Variants in STT3B observed in about 807,000 individuals in gnomAD.
STT3B encodes the protein STT3 oligosaccharyltransferase complex catalytic subunit B.
STT3B carries 29 observed loss-of-function variants against 96.8 expected under a neutral mutation model. That is an observed-to-expected ratio of 0.30 (90% CI 0.22 to 0.41). The LOEUF (loss-of-function observed/expected upper bound fraction) is 0.41, where lower values mean the gene tolerates loss of function less well. STT3B is among the 10% of genes least tolerant of loss of function. STT3B has a pLI of 1.00. For synonymous variants in STT3B, 367 were observed against 360.0 expected, an observed-to-expected ratio of 1.02 and a Z score of -0.22; for missense variants, 640 against 1,022.3, an observed-to-expected ratio of 0.63 and a Z score of 5.10.
intron 3 of STT3B, 92 bp downstream of exon 3, chr3:31,580,188 T>TA: frequency 8.0e-7 from 1 of 1,250,790 alleles, no homozygotes; most frequent in Non-Finnish European, 1.1e-6. Context: ...TTTTACAAAT[T>TA]ATGTAGTTGC....
chr3:31,608,150 A>G (rs545996768), intron 5 of STT3B, among the ~76,000 whole-genome samples: 1 of 152,294 alleles, frequency 6.6e-6, no homozygotes, highest in Non-Finnish European at 1.5e-5. Context: ...TGTTTATTGT[A>G]CCTTCAAGGT....
intron 3 of STT3B, among the ~76,000 whole-genome samples, chr3:31,586,882 A>G (rs945991448): frequency 9.9e-5 from 15 of 152,104 alleles, no homozygotes; most frequent in African/African-American, 3.6e-4. Context: ...TTAGAATCAC[A>G]TTATTAACTT....
At chr3:31,572,361 T>G (rs554684265) in intron 1 of STT3B, among the ~76,000 whole-genome samples, 1 of 151,354 alleles carries the variant, frequency 6.6e-6, no homozygotes, top group South Asian at 2.1e-4. Flanking sequence ...TTTAAAAAAT[T>G]TAGTCTTTGA....
Position 31,532,927 on chromosome 3 carries a change from C to G in STT3B, c.-72C>G, listed in dbSNP as rs1270366865. 1.3e-6 allele frequency: 2 copies of G among 1,493,760 alleles called. No individual in the cohort carries two copies. The highest frequency in any genetic ancestry group is 2.5e-5 in the Admixed American group (1 of 40,240). 92.5% of individuals were successfully genotyped at this position (1,493,760 alleles called of 1,614,324 possible). Reference sequence around the variant, plus strand: ...TCCTCCTCCTCCTCCTCCTCCGGGTCCCCGCCCAGCACCCCTCGCACCAGG... The same window carrying G: ...TCCTCCTCCTCCTCCTCCTCCGGGTGCCCGCCCAGCACCCCTCGCACCAGG... On this transcript the variant is annotated 5_prime_UTR_variant, in exon 1 of 16. Coordinates refer to ENST00000295770, the MANE Select transcript of STT3B (RefSeq NM_178862.3).
chr3:31,635,914 T>C, intron 15 of STT3B, 70 bp from the exon 16 acceptor site: 1 of 1,120,060 alleles, frequency 8.9e-7, no homozygotes, highest in Non-Finnish European at 1.3e-6. Context: ...CAGTAAACCA[T>C]GTGTGTGTTT....
At chr3:31,591,974 A>G (rs1185761973) in intron 3 of STT3B, among the ~76,000 whole-genome samples, 1 of 152,156 alleles carries the variant, frequency 6.6e-6, no homozygotes, top group Non-Finnish European at 1.5e-5. Context: ...TAAAATTGAC[A>G]TAACACAAAA....
chr3:31,562,681 C>T (rs567917334), intron 1 of STT3B, among the ~76,000 whole-genome samples: 30 of 152,174 alleles, frequency 2.0e-4, no homozygotes, highest in Non-Finnish European at 3.8e-4. Context: ...CTTGGCTCTG[C>T]AGCAGCCTGC....
In STT3B at chr3:31,626,339, A is replaced by G. The variant is rs550225840; in HGVS notation, c.2073+212A>G. Among the ~76,000 whole-genome samples, 27 of 152,322 alleles carry G rather than the reference A, an allele frequency of 1.8e-4. No individual in the cohort carries two copies. In the South Asian group the frequency reaches 5.6e-3, roughly 32 times the overall value. On this transcript the variant is annotated intron_variant, in intron 13 of 15. Coordinates refer to ENST00000295770, the MANE Select transcript of STT3B (RefSeq NM_178862.3). ...TGGAACTAATATACCATTCTTCCCT[A>G]TGAAGCAGTCCCTTGCCAAGACTTC...
At chr3:31,588,946 T>C (rs918268731) in intron 3 of STT3B, among the ~76,000 whole-genome samples, 2 of 152,036 alleles carry the variant, frequency 1.3e-5, no homozygotes, top group African/African-American at 4.8e-5. Context: ...TTCAATATCA[T>C]GTTAGCTAGT....
chr3:31,625,989 C>T lies in STT3B; in HGVS notation c.1935C>T (p.Ala645=). The change falls in exon 13 of 16, where the codon GCC becomes GCT. Residue 645 remains alanine (A), a synonymous_variant. Transcript: ENST00000295770. ...GKAMSSNETA[A]YKIMRTLDVD... is the part of the protein sequence containing the mutation. ...CTATGTCTTCTAATGAAACAGCAGC[C>T]TATAAAATCATGAGGACTCTAGATG... 6.2e-7 allele frequency: 1 copy of T among 1,611,724 alleles called. No homozygotes were observed. The highest frequency in any genetic ancestry group is 8.5e-7 in the Non-Finnish European group (1 of 1,179,008).
intron 5 of STT3B, among the ~76,000 whole-genome samples, chr3:31,609,374 T>C (rs939046221): frequency 6.6e-6 from 1 of 152,210 alleles, no homozygotes; most frequent in Non-Finnish European, 1.5e-5. Context: ...ATAAAAATTA[T>C]ATATTCCATG....
intron 1 of STT3B, chr3:31,533,767 T>G (rs1697011956): frequency 6.5e-6 from 1 of 152,782 alleles, no homozygotes. Flanking sequence ...TGCGGGCGCG[T>G]TTTTGCTAGT....
At chr3:31,606,657 G>A (rs1307779700) in intron 5 of STT3B, among the ~76,000 whole-genome samples, 3 of 152,216 alleles carry the variant, frequency 2.0e-5, no homozygotes, top group African/African-American at 7.2e-5. Flanking sequence ...AAGTTTGCTG[G>A]AGAGGTGGGG....
At chr3:31,543,410 T>C (rs1257313923) in intron 1 of STT3B, among the ~76,000 whole-genome samples, 1 of 152,222 alleles carries the variant, frequency 6.6e-6, no homozygotes, top group Non-Finnish European at 1.5e-5. Context: ...AAAGATTCTT[T>C]AAGGCAAGAA....
chr3:31,635,801 G>A (rs1294317779), intron 15 of STT3B, among the ~76,000 whole-genome samples, 183 bp from the exon 16 acceptor site: 1 of 152,136 alleles, frequency 6.6e-6, no homozygotes, highest in Non-Finnish European at 1.5e-5. Context: ...ATGTGTTAGT[G>A]TACTCAGGTA....
intron 3 of STT3B, among the ~76,000 whole-genome samples, chr3:31,580,912 T>G (rs1250991213): frequency 1.3e-5 from 2 of 151,656 alleles, no homozygotes; most frequent in Non-Finnish European, 2.9e-5. Context: ...TTTTAAAAAC[T>G]CTTTGTTTAT....
At chr3:31,549,004 A>T (rs1697484970) in intron 1 of STT3B, among the ~76,000 whole-genome samples, 1 of 152,068 alleles carries the variant, frequency 6.6e-6, no homozygotes, top group South Asian at 2.1e-4. Context: ...TTAATCTGGT[A>T]TTTACCGTAT....
At chr3:31,579,126 A>G (rs1010032465) in intron 2 of STT3B, among the ~76,000 whole-genome samples, 4 of 152,202 alleles carry the variant, frequency 2.6e-5, no homozygotes, top group Middle Eastern at 3.4e-3. Flanking sequence ...GAGGGTACGT[A>G]TAACTGTTAA....
At chr3:31,579,335 T>C (rs893957254) in intron 2 of STT3B, among the ~76,000 whole-genome samples, 1 of 151,942 alleles carries the variant, frequency 6.6e-6, no homozygotes, top group African/African-American at 2.4e-5. Context: ...CATTTTTTTA[T>C]AAATATGACT....
Sources: gnomAD v4.1 joint callset for allele counts (sites outside exome capture counted in the v4.1 genomes callset) on GRCh38, gnomAD v4.1.1 for gene constraint, MANE v1.5 for transcripts, NCBI Gene and HGNC (gene_info 2026-07-23, HGNC 2026-07-21) for gene names.